OTUD7B: variants seen among roughly 807,000 people sequenced by gnomAD.
The protein encoded by OTUD7B is OTU domain-containing protein 7B.
OTUD7B carries 34 observed loss-of-function variants against 82.2 expected under a neutral mutation model. That is an observed-to-expected ratio of 0.41 (90% CI 0.31 to 0.55). The LOEUF (loss-of-function observed/expected upper bound fraction) is 0.55. Ranked by LOEUF, OTUD7B falls within the 20% of genes least tolerant of loss-of-function variation. OTUD7B has a pLI of 0.20. For synonymous variants in OTUD7B, 398 were observed against 402.7 expected (o/e 0.99, Z 0.14); for missense variants, 944 against 1,062.1 (o/e 0.89, Z 1.55).
Position 149,959,695 on chromosome 1 carries a change from G to T in OTUD7B, c.834C>A (p.Ala278=). 6.2e-7 allele frequency: 1 copy of T among 1,609,792 alleles called. No individual in the cohort carries two copies. The highest frequency in any genetic ancestry group is 1.1e-5 in the South Asian group (1 of 90,988). Residue 278 remains alanine (A), a synonymous_variant, in exon 7 of 12, where the codon GCC becomes GCA. Transcript: ENST00000581312. ...EPRMHLGTNG[A]NCGGVESSEE... is the part of the protein sequence containing the mutation. ...TTAGCCATACTTACCCACCACAGTTGGCTCCATTGGTACCTAGATGCATTC... is the reference window on the plus strand; with the variant it reads ...TTAGCCATACTTACCCACCACAGTTTGCTCCATTGGTACCTAGATGCATTC...
chr1:150,035,420 G>A, the OTUD7B span, among the ~76,000 whole-genome samples: 1 of 152,264 alleles, frequency 6.6e-6, no homozygotes, highest in African/African-American at 2.4e-5. Flanking sequence ...ACAGGGTTCA[G>A]GTATGGGTGG....
At chr1:149,958,532 T>C (rs1358015633) in intron 7 of OTUD7B, among the ~76,000 whole-genome samples, 1 of 152,034 alleles carries the variant, frequency 6.6e-6, no homozygotes, top group African/African-American at 2.4e-5. Context: ...TTTCACCACA[T>C]TGGCCAGGCT....
At chr1:149,982,021 C>T (rs1295690690) in intron 1 of OTUD7B, among the ~76,000 whole-genome samples, 1 of 151,946 alleles carries the variant, frequency 6.6e-6, no homozygotes, top group African/African-American at 2.4e-5. Flanking sequence ...TGGTGGCGGA[C>T]GCCTGTAGTC....
At chr1:150,046,473 A>G in the OTUD7B span, among the ~76,000 whole-genome samples, 1 of 124,560 alleles carries the variant, frequency 8.0e-6, no homozygotes. Flanking sequence ...TTTGAGACAG[A>G]GTCTTGCTCT....
At chr1:149,966,836 C>T (rs1343336205) in intron 4 of OTUD7B, among the ~76,000 whole-genome samples, 16 of 152,138 alleles carry the variant, frequency 1.1e-4, no homozygotes, top group Non-Finnish European at 1.5e-4. Flanking sequence ...ATTTTAATGC[C>T]TGATTAGCTT....
intron 4 of OTUD7B, among the ~76,000 whole-genome samples, chr1:149,966,619 G>A (rs1213102406): frequency 6.6e-6 from 1 of 152,084 alleles, no homozygotes; most frequent in African/African-American, 2.4e-5. Flanking sequence ...TATGAGTGAT[G>A]CATAAGTTTT....
chr1:149,999,501 A>T (rs1425287382), intron 1 of OTUD7B, among the ~76,000 whole-genome samples: 1 of 152,210 alleles, frequency 6.6e-6, no homozygotes, highest in East Asian at 1.9e-4. Context: ...CAGGTGAGCT[A>T]CCAGTTCAAG....
intron 3 of OTUD7B, 98 bp downstream of exon 3, chr1:149,970,965 T>G: frequency 1.7e-6 from 2 of 1,147,928 alleles, no homozygotes; most frequent in South Asian, 2.1e-5. Flanking sequence ...GGGGAAGAAA[T>G]GGAATCACCT....
Position 149,943,798 on chromosome 1 carries a change from G to T in OTUD7B, c.*59C>A. On this transcript the variant is annotated 3_prime_UTR_variant, in exon 12 of 12. Transcript: ENST00000581312. Reference sequence around the variant, plus strand: ...TCAACATGGGGACTGTGTTCTTGATGAGCCAATTAGTTGAGCTTAACTTTG... The same window carrying T: ...TCAACATGGGGACTGTGTTCTTGATTAGCCAATTAGTTGAGCTTAACTTTG... 6.6e-7 allele frequency: 1 copy of T among 1,515,652 alleles called. No individual in the cohort carries two copies. The highest frequency in any genetic ancestry group is 9.1e-7 in the Non-Finnish European group (1 of 1,101,692). 93.9% of individuals were successfully genotyped at this position (1,515,652 alleles called of 1,614,324 possible).
intron 2 of OTUD7B, among the ~76,000 whole-genome samples, chr1:149,976,330 C>T (rs1035705679): frequency 6.6e-6 from 1 of 151,970 alleles, no homozygotes. Context: ...GAACATTCAG[C>T]CAGGCATGGT....
the OTUD7B span, among the ~76,000 whole-genome samples, chr1:150,042,521 C>T: frequency 6.6e-6 from 1 of 151,928 alleles, no homozygotes; most frequent in Non-Finnish European, 1.5e-5. Flanking sequence ...TTTTTAGTTA[C>T]CTGTTGGCAC....
rs367676052 is a variant in OTUD7B, at chr1:149,942,841, TA to T, written c.*1015del. ...CTGGGGTCTTTTTATTTCTTTTCCT[TA>T]AAAAAAAAAGTCAATAAAATAAGTT... On this transcript the variant is annotated 3_prime_UTR_variant, in exon 12 of 12. Transcript: ENST00000581312. 1.8e-3 allele frequency: 273 copies of T among 148,112 alleles called. 1 individual carries two copies. The highest frequency in any genetic ancestry group is 6.1e-3 in the African/African-American group (247 of 40,336). 9.2% of individuals were successfully genotyped at this position (148,112 alleles called of 1,614,324 possible). A position where few individuals can be genotyped will look rare whatever the true frequency, so the allele number is the denominator to read the frequency against.
At chr1:150,047,002 C>T in the OTUD7B span, among the ~76,000 whole-genome samples, 3 of 152,072 alleles carry the variant, frequency 2.0e-5, no homozygotes, top group African/African-American at 7.2e-5. Context: ...ACCCGGGAGG[C>T]GGAGATTGCA....
intron 1 of OTUD7B, among the ~76,000 whole-genome samples, chr1:149,987,755 C>T (rs1651252991): frequency 6.6e-6 from 1 of 152,184 alleles, no homozygotes; most frequent in South Asian, 2.1e-4. Context: ...CCCAGCCCAT[C>T]ATTTCCAATC....
chr1:149,950,821 T>C (rs1233253437), intron 7 of OTUD7B, among the ~76,000 whole-genome samples: 7 of 127,800 alleles, frequency 5.5e-5, no homozygotes, highest in Admixed American at 9.3e-5. Flanking sequence ...TGAGATAGAG[T>C]CTCGTTCTGT....
chr1:150,044,018 T>TGA, the OTUD7B span, among the ~76,000 whole-genome samples: 2 of 151,972 alleles, frequency 1.3e-5, no homozygotes, highest in Admixed American at 6.6e-5. Flanking sequence ...CTCAGGAAGC[T>TGA]GAGGTAGGAG....
chr1:149,964,395 C>G, intron 5 of OTUD7B, 46 bp from the exon 6 acceptor site: 1 of 1,590,184 alleles, frequency 6.3e-7, no homozygotes, highest in Non-Finnish European at 8.6e-7. Flanking sequence ...CTTGACTCTG[C>G]TAATTTTTGT....
intron 1 of OTUD7B, among the ~76,000 whole-genome samples, chr1:150,000,808 G>A (rs142631207): frequency 7.2e-5 from 11 of 151,950 alleles, no homozygotes; most frequent in African/African-American, 2.7e-4. Flanking sequence ...GCAAAACTCC[G>A]TCTCTACTAA....
the OTUD7B span, among the ~76,000 whole-genome samples, chr1:150,038,530 G>A: frequency 6.6e-6 from 1 of 151,776 alleles, no homozygotes; most frequent in South Asian, 2.1e-4. Context: ...GGAACCACAG[G>A]CACACACCGC....
Sources: allele counts gnomAD v4.1 joint callset (sites outside exome capture counted in the v4.1 genomes callset), GRCh38; gene constraint gnomAD v4.1.1; transcripts MANE v1.5; gene names NCBI Gene and HGNC (gene_info 2026-07-23, HGNC 2026-07-21).